The following ABCC2 variants were observed in gnomAD, a reference collection of about 807,000 sequenced individuals.
The protein encoded by ABCC2 is ATP binding cassette subfamily C member 2.
A neutral mutation model predicts 173.4 loss-of-function variants in ABCC2; 157 were observed. The observed-to-expected ratio is 0.91, with a 90% CI of 0.80 to 1.03. The LOEUF (loss-of-function observed/expected upper bound fraction) is 1.03. Ranked by LOEUF, ABCC2 falls within the 50% of genes least tolerant of loss-of-function variation. The pLI is 0.00. For missense variants in ABCC2, 1,822 were observed against 1,852.3 expected (o/e 0.98, Z 0.30); for synonymous variants, 657 against 693.5 (o/e 0.95, Z 0.83).
At chr10:99,814,768 T>C (rs1335434597) in intron 16 of ABCC2, among the ~76,000 whole-genome samples, 109 of 127,652 alleles carry the variant, frequency 8.5e-4, no homozygotes, top group African/African-American at 3.2e-3. Context: ...CACACATATA[T>C]GTGTGTGTAT....
In ABCC2 at chr10:99,794,609, A is replaced by C. The variant is rs540662606; in HGVS notation, c.632+141A>C. 1.1e-4 allele frequency: 88 copies of C among 781,326 alleles called. No individual in the cohort carries two copies. The African/African-American group carries it at 1.3e-3, about 12-fold the overall frequency. The allele number at this position is 781,326 out of a possible 1,614,324, so 48.4% of individuals were successfully genotyped here. ...GCCCAGGCTGGAGTGCAATGGTGTG[A>C]TCTTGGCTCACTGCAACCTCCACCT... On this transcript the variant is annotated intron_variant, in intron 6 of 31. Coordinates refer to ENST00000647814, the MANE Select transcript of ABCC2 (RefSeq NM_000392.5).
At chr10:99,805,292 A>T in intron 10 of ABCC2, 90 bp from the exon 11 acceptor site, 1 of 1,163,482 alleles carries the variant, frequency 8.6e-7, no homozygotes. Flanking sequence ...TGACAGCCAC[A>T]AAGTAGCAGT....
intron 8 of ABCC2, 40 bp downstream of exon 8, chr10:99,799,410 T>C (rs373391779): frequency 6.2e-7 from 1 of 1,609,804 alleles, no homozygotes; most frequent in Non-Finnish European, 8.5e-7. Flanking sequence ...CAGGGCCTCC[T>C]CTGCCACCCT....
chr10:99,807,144 A>G (rs1447753106), intron 11 of ABCC2, among the ~76,000 whole-genome samples: 2 of 152,278 alleles, frequency 1.3e-5, no homozygotes, highest in African/African-American at 4.8e-5. Context: ...CTTTAGTCCC[A>G]GGCAAACTGG....
rs374374242 is a variant in ABCC2 at position 99,805,553 on chromosome 10, G to A, written c.1530+106G>A. ...GGTGATGGATTCCTGCTTCTGGGCCGGTTGTGTCACATGACTTTTGTTTCA... is the reference window on the plus strand; with the variant it reads ...GGTGATGGATTCCTGCTTCTGGGCCAGTTGTGTCACATGACTTTTGTTTCA... On this transcript the variant is annotated intron_variant, in intron 11 of 31. Transcript: ENST00000647814. 508 of 1,170,026 alleles carry A rather than the reference G, an allele frequency of 4.3e-4. No individual in the cohort carries two copies. In the African/African-American group the frequency reaches 6.4e-3, roughly 15 times the overall value. The allele number at this position is 1,170,026 out of a possible 1,614,324, so 72.5% of individuals were successfully genotyped here.
intron 21 of ABCC2, among the ~76,000 whole-genome samples, chr10:99,831,085 G>A (rs928390989): frequency 2.2e-4 from 33 of 152,176 alleles, no homozygotes; most frequent in Non-Finnish European, 4.3e-4. Context: ...CACTTCATGA[G>A]TGTTTGATTC....
Position 99,847,092 on chromosome 10 carries a change from A to G in ABCC2, c.4278A>G (p.Leu1426=). 6.2e-7 allele frequency: 1 copy of G among 1,614,178 alleles called. No individual in the cohort carries two copies. Among genetic ancestry groups the G allele is most frequent in the Non-Finnish European group, 8.5e-7 (1 of 1,180,026 alleles). Residue 1426 remains leucine, a synonymous_variant, in exon 30 of 32, where the codon TTA becomes TTG. Transcript: ENST00000647814. The stretch of plus-strand genomic sequence containing the variant: ...TTGTGGCCAGCCTGCAACTTGGGTT[A>G]TCCCACGAAGTGACAGAGGCTGGTG... ...KSFVASLQLG[L]SHEVTEAGGN...
At chr10:99,847,310 C>T (rs2039032649) in intron 30 of ABCC2, among the ~76,000 whole-genome samples, 183 bp downstream of exon 30, 1 of 152,240 alleles carries the variant, frequency 6.6e-6, no homozygotes. Context: ...CTTTAAAACT[C>T]TTGAAAACTG....
At chr10:99,842,871 G>A (rs2038967222) in intron 26 of ABCC2, among the ~76,000 whole-genome samples, 2 of 152,026 alleles carry the variant, frequency 1.3e-5, no homozygotes. Flanking sequence ...CCAACATGGT[G>A]AAACCCCATC....
chr10:99,804,540 T>C (rs1275220650), intron 10 of ABCC2, among the ~76,000 whole-genome samples: 1 of 152,144 alleles, frequency 6.6e-6, no homozygotes, highest in Non-Finnish European at 1.5e-5. Flanking sequence ...CACATAATTC[T>C]TCCATCTTGC....
chr10:99,830,570 G>A, intron 20 of ABCC2, 137 bp downstream of exon 20: 2 of 1,562,354 alleles, frequency 1.3e-6, no homozygotes, highest in Non-Finnish European at 1.8e-6. Flanking sequence ...TTTGTTGTGG[G>A]GATGGGGAAA....
chr10:99,800,553 T>G lies in ABCC2; in HGVS notation c.1199T>G (p.Val400Gly), dbSNP rs1454989967. 16 of 1,613,912 alleles carry G rather than the reference T, an allele frequency of 9.9e-6. No individual in the cohort carries two copies. Among genetic ancestry groups the G allele is most frequent in the Non-Finnish European group, 1.4e-5 (16 of 1,180,002 alleles). Reference sequence around the variant, plus strand: ...GTACGGACAGCTATCATGGCTTCTGTATATAAGAAGGTAAGCAGAATACGG... The same window carrying G: ...GTACGGACAGCTATCATGGCTTCTGGATATAAGAAGGTAAGCAGAATACGG... ...VKVRTAIMAS[V>G]YKKALTLSNL... is the part of the protein sequence containing the mutation. Residue 400 changes from valine to glycine, a missense_variant, in exon 9 of 32, where the codon GTA (valine) becomes GGA (glycine). Coordinates refer to ENST00000647814, the MANE Select transcript of ABCC2 (RefSeq NM_000392.5).
chr10:99,816,560 G>A (rs575221664), intron 16 of ABCC2, among the ~76,000 whole-genome samples: 2 of 152,234 alleles, frequency 1.3e-5, no homozygotes, highest in South Asian at 2.1e-4. Context: ...GATTACAAGC[G>A]TGAGCCACCG....
rs931341519 is a variant in ABCC2, at chr10:99,843,816, C to T, written c.3759C>T (p.Asn1253=). 7 of 1,614,036 alleles carry T rather than the reference C, an allele frequency of 4.3e-6. No individual in the cohort carries two copies. The African/African-American group carries it at 8.0e-5, about 18-fold the overall frequency. The change falls in exon 27 of 32, where the codon AAC becomes AAT. Residue 1253 remains asparagine, a synonymous_variant. Coordinates refer to ENST00000647814, the MANE Select transcript of ABCC2 (RefSeq NM_000392.5). ...SNALNITQTL[N]WLVRMTSEIE... is the part of the protein sequence containing the mutation. ...TTCTGTAGATCACACAAACCCTGAA[C>T]TGGCTGGTGAGGATGACATCAGAAA...
rs760356661 is a variant in ABCC2 at position 99,834,496 on chromosome 10, C to T, written c.3375C>T (p.Ile1125=). 19 of 1,614,060 alleles carry T rather than the reference C, an allele frequency of 1.2e-5. No homozygotes were observed. Among genetic ancestry groups the T allele is most frequent in the Non-Finnish European group, 1.5e-5 (18 of 1,180,040 alleles). The part of the protein sequence containing the change: ...MICMATPVFT[I]IVIPLGIIYV... ...GCATGGCCACTCCTGTCTTCACCAT[C>T]ATCGTCATTCCTCTTGGCATTATTT... Residue 1125 remains isoleucine (I), a synonymous_variant, in exon 24 of 32, where the codon ATC becomes ATT. Transcript: ENST00000647814.
chr10:99,831,663 T>C lies in ABCC2; in HGVS notation c.2936T>C (p.Ile979Thr). The C allele has an allele frequency of 6.2e-7, 1 of 1,614,224 alleles. No homozygotes were observed. Among genetic ancestry groups the C allele is most frequent in the Non-Finnish European group, 8.5e-7 (1 of 1,180,032 alleles). The change falls in exon 22 of 32, where the codon ATA becomes ACA. Residue 979 changes from isoleucine to threonine, a missense_variant. By Grantham distance (89) the Ile-to-Thr change is moderately conservative (BLOSUM62 -1). Transcript: ENST00000647814. ...CTACAAGCAATAGGATTGTTTTCGA[T>C]ATTCTTCATCATCCTTGCGTTTGTG... is the stretch of plus-strand genomic sequence containing the variant. ...EYLQAIGLFSIFFIILAFVMN... is the reference protein window; with the variant it reads ...EYLQAIGLFSTFFIILAFVMN...
In ABCC2 at chr10:99,808,211, G is replaced by A; in HGVS notation, c.1797G>A (p.Met599Ile). 6.2e-7 allele frequency: 1 copy of A among 1,613,996 alleles called. No individual in the cohort carries two copies. Residue 599 changes from methionine (M) to isoleucine (I), a missense_variant, in exon 13 of 32, where the codon ATG becomes ATA. By Grantham distance (10) the Met-to-Ile change is conservative. Transcript: ENST00000647814. ...TTCCCCTGAGCATGCTTCCCATGAT[G>A]ATCTCCTCCATGCTCCAGGTAGGTC... Reference protein sequence around the residue: ...LRFPLSMLPMMISSMLQASVS... With the variant: ...LRFPLSMLPMIISSMLQASVS...
At chr10:99,790,146 TG>T (rs2132959356) in intron 2 of ABCC2, among the ~76,000 whole-genome samples, 1 of 152,350 alleles carries the variant, frequency 6.6e-6, no homozygotes, top group Non-Finnish European at 1.5e-5. Context: ...TAAGGATATG[TG>T]AACTCAGAAT....
chr10:99,836,974 G>C (rs1451872933), intron 25 of ABCC2, among the ~76,000 whole-genome samples: 2 of 145,608 alleles, frequency 1.4e-5, no homozygotes, highest in African/African-American at 5.2e-5. Context: ...CAGGTCAGGA[G>C]TTTGATTGTA....
Sources: allele counts gnomAD v4.1 joint callset (sites outside exome capture counted in the v4.1 genomes callset), GRCh38; gene constraint gnomAD v4.1.1; transcripts MANE v1.5; gene names NCBI Gene and HGNC (gene_info 2026-07-23, HGNC 2026-07-21).